The following VMA12 variants were observed in gnomAD, a reference collection of about 807,000 sequenced individuals.
The protein encoded by VMA12 is vacuolar ATPase assembly factor VMA12, also known as vacuolar ATPase assembly protein VMA12.
At chr17:28,361,129 C>CAG in the VMA12 span, 1 of 1,610,036 alleles carries the variant, frequency 6.2e-7, no homozygotes, top group Non-Finnish European at 8.5e-7. Flanking sequence ...GGCCTGCATC[C>CAG]CTTAAGCCTG....
the VMA12 span, chr17:28,358,299 GT>G: frequency 2.4e-6 from 1 of 423,940 alleles, no homozygotes; most frequent in Admixed American, 3.0e-5. Flanking sequence ...TTGTTTGTTT[GT>G]TTTTTTAATA....
At chr17:28,359,018 G>T in the VMA12 span, 3 of 1,566,606 alleles carry the variant, frequency 1.9e-6, no homozygotes, top group Non-Finnish European at 2.6e-6. Context: ...TGTGAGAGTG[G>T]TTATTGACTG....
chr17:28,360,800 G>A, the VMA12 span: 13 of 1,613,632 alleles, frequency 8.1e-6, no homozygotes, highest in East Asian at 6.7e-5. Flanking sequence ...TGCTGCCTTC[G>A]TCTGCACTTA....
At chr17:28,357,958 C>A in the VMA12 span, 6 of 1,489,450 alleles carry the variant, frequency 4.0e-6, no homozygotes, top group African/African-American at 8.3e-5. Context: ...TCCCATCATT[C>A]CCCTTCTTCT....
At chr17:28,360,452 G>T in the VMA12 span, 1 of 1,216,756 alleles carries the variant, frequency 8.2e-7, no homozygotes, top group Non-Finnish European at 1.1e-6. Flanking sequence ...GGGGAATAGA[G>T]AGGGCTGAGC....
the VMA12 span, chr17:28,363,303 C>G: frequency 6.6e-6 from 1 of 152,126 alleles, no homozygotes; most frequent in African/African-American, 2.4e-5. Flanking sequence ...AGCAGAGGCT[C>G]TCATCTCCCC....
the VMA12 span, chr17:28,360,397 G>C: frequency 1.2e-6 from 1 of 827,378 alleles, no homozygotes; most frequent in Non-Finnish European, 1.9e-6. Flanking sequence ...GAGTCAAAAT[G>C]GTTCCAGACA....
chr17:28,358,049 C>A, the VMA12 span: 1 of 713,726 alleles, frequency 1.4e-6, no homozygotes, highest in Non-Finnish European at 2.3e-6. Context: ...ATGGGAATTT[C>A]TCGTGGATGA....
At chr17:28,358,013 C>A in the VMA12 span, 1 of 906,814 alleles carries the variant, frequency 1.1e-6, no homozygotes, top group Non-Finnish European at 1.6e-6. Flanking sequence ...CCATAAATCC[C>A]AGGGCCACCC....
the VMA12 span, chr17:28,360,349 G>A: frequency 5.1e-6 from 3 of 588,766 alleles, no homozygotes; most frequent in East Asian, 3.0e-5. Context: ...GGCAGCCTAT[G>A]TCCTCTCTCC....
chr17:28,360,908 A>C, the VMA12 span: 238 of 1,426,490 alleles, frequency 1.7e-4, 2 homozygotes, highest in African/African-American at 3.2e-3. Context: ...GTAAGGGAGG[A>C]CGTATGTGAA....
chr17:28,361,801 C>CT, the VMA12 span: 1 of 154,206 alleles, frequency 6.5e-6, no homozygotes, highest in Non-Finnish European at 1.4e-5. Context: ...GATGGTAGAA[C>CT]TGGAAGCAAG....
At chr17:28,360,729 C>G in the VMA12 span, 48 of 1,613,456 alleles carry the variant, frequency 3.0e-5, no homozygotes, top group Admixed American at 8.0e-4. Context: ...TGGCTCCTCC[C>G]CAAAGTGAGA....
the VMA12 span, chr17:28,360,313 C>T: frequency 2.0e-6 from 1 of 511,710 alleles, no homozygotes; most frequent in South Asian, 2.1e-5. Context: ...TGCTCCTACC[C>T]TGGAACAGGA....
chr17:28,360,473 A>G, the VMA12 span: 437 of 1,544,404 alleles, frequency 2.8e-4, no homozygotes, highest in Non-Finnish European at 3.5e-4. Flanking sequence ...CAGACTGTCA[A>G]TGGATGCTCT....
At chr17:28,360,705 A>G in the VMA12 span, 2 of 1,607,896 alleles carry the variant, frequency 1.2e-6, no homozygotes, top group East Asian at 2.2e-5. Context: ...ATGTTGAACT[A>G]AAGGTGCCCT....
At chr17:28,360,718 C>T in the VMA12 span, 1 of 1,612,488 alleles carries the variant, frequency 6.2e-7, no homozygotes, top group Non-Finnish European at 8.5e-7. Flanking sequence ...GGTGCCCTCT[C>T]TGGCTCCTCC....
At chr17:28,360,974 C>G in the VMA12 span, 1 of 931,866 alleles carries the variant, frequency 1.1e-6, no homozygotes, top group Non-Finnish European at 1.7e-6. Context: ...ATAAGGGGAG[C>G]ATTAGAGCTT....
the VMA12 span, chr17:28,359,211 C>T: frequency 2.5e-6 from 3 of 1,223,424 alleles, no homozygotes; most frequent in Admixed American, 2.0e-5. Context: ...GTATGTGGGT[C>T]TCCTGATACC....
Sources: allele counts gnomAD v4.1 joint callset, GRCh38; gene constraint gnomAD v4.1.1; transcripts MANE v1.5; gene names NCBI Gene and HGNC (gene_info 2026-07-23, HGNC 2026-07-21).